Variants in NOD1 observed in about 807,000 individuals in gnomAD.
NOD1 encodes the protein nucleotide binding oligomerization domain containing 1.
A neutral mutation model predicts 81.2 loss-of-function variants in NOD1; 70 were observed. The ratio of observed to expected loss-of-function variants is 0.86; its 90% CI spans 0.71 to 1.05. The LOEUF (loss-of-function observed/expected upper bound fraction) is 1.05. NOD1 is among the 50% of genes least tolerant of loss of function. NOD1 has a pLI of 0.00. For synonymous variants in NOD1, 508 were observed against 526.9 expected (o/e 0.96, Z 0.49); for missense variants, 1,233 against 1,228.0 (o/e 1.00, Z -0.06).
intron 9 of NOD1, among the ~76,000 whole-genome samples, chr7:30,438,017 G>A (rs574703343): frequency 1.9e-4 from 29 of 152,244 alleles, no homozygotes; most frequent in Non-Finnish European, 2.6e-4. Context: ...ACAGAGGTGC[G>A]CAGAGTCCTG....
intron 1 of NOD1, among the ~76,000 whole-genome samples, chr7:30,461,762 G>A (rs1340798487): frequency 1.3e-5 from 2 of 151,894 alleles, no homozygotes; most frequent in African/African-American, 2.4e-5. Context: ...TTGTTGAGAC[G>A]GAGTCTCGCT....
intron 11 of NOD1, among the ~76,000 whole-genome samples, chr7:30,433,997 C>A (rs1398673638): frequency 6.6e-6 from 1 of 152,164 alleles, no homozygotes; most frequent in Non-Finnish European, 1.5e-5. Flanking sequence ...AAATTTAGAT[C>A]AGAAACAACT....
intron 6 of NOD1, among the ~76,000 whole-genome samples, chr7:30,450,501 T>TA (rs1785578430): frequency 6.6e-6 from 1 of 152,304 alleles, no homozygotes; most frequent in African/African-American, 2.4e-5. Context: ...GAAATGCTAA[T>TA]AGAAGAAAAC....
At chr7:30,474,275 C>A (rs1562723836) in intron 1 of NOD1, among the ~76,000 whole-genome samples, 1 of 152,214 alleles carries the variant, frequency 6.6e-6, no homozygotes, top group African/African-American at 2.4e-5. Flanking sequence ...GTGCTAAGCA[C>A]TTTACATAGA....
chr7:30,433,970 T>G (rs1240831474), intron 11 of NOD1, among the ~76,000 whole-genome samples: 1 of 152,236 alleles, frequency 6.6e-6, no homozygotes, highest in African/African-American at 2.4e-5. Flanking sequence ...GGTATTATCC[T>G]AATGTAAAAT....
At position 30,455,191 on chromosome 7, in the gene NOD1, C is replaced by T. The variant is rs1278228905; in HGVS notation, c.322G>A (p.Gly108Ser). 14 of 1,614,006 alleles carry T rather than the reference C, an allele frequency of 8.7e-6. No homozygotes were observed. Among genetic ancestry groups the T allele is most frequent in the East Asian group, 4.5e-5 (2 of 44,898 alleles). Residue 108 changes from glycine to serine, a missense_variant, in exon 5 of 14, where the codon GGC (glycine) becomes AGC (serine). Gly to Ser is a moderately conservative substitution (Grantham distance 56, BLOSUM62 0). Transcript: ENST00000222823. ...VDLRPWLLEI[G>S]FSPSLLTQSK... ...TGAGTGAGCAGGGAAGGGGAGAAGC[C>T]GATCTCCAGCAGCCAAGGCCTGAGG...
At chr7:30,427,176 C>G (rs564492038) in intron 13 of NOD1, among the ~76,000 whole-genome samples, 1 of 152,260 alleles carries the variant, frequency 6.6e-6, no homozygotes, top group Admixed American at 6.5e-5. Context: ...AGGCCCCACC[C>G]TCCCAGAGCC....
chr7:30,425,322 G>C lies in NOD1; in HGVS notation c.*316C>G. 1 of 309,698 alleles carries C rather than the reference G, an allele frequency of 3.2e-6. No homozygotes were observed. 19.2% of individuals were successfully genotyped at this position (309,698 alleles called of 1,614,324 possible). On this transcript the variant is annotated 3_prime_UTR_variant, in exon 14 of 14. Coordinates refer to ENST00000222823, the MANE Select transcript of NOD1 (RefSeq NM_006092.4). ...GAATGAGGTGAGGCTGGCCTCCTCT[G>C]TTTGCTCACAGCTTTATTCCTCTAG...
rs138903958 is a variant in NOD1, at chr7:30,452,487, G to C, written c.930C>G (p.Pro310=). ...DSSCPWEPAH[P]LVLLANLLSG... is the part of the protein sequence containing the mutation. ...TGAGCAGGTTGGCCAGCAAGACCAG[G>C]GGGTGGGCAGGCTCCCAGGGGCAGG... is the stretch of plus-strand genomic sequence containing the variant. Residue 310 remains proline, a synonymous_variant, in exon 6 of 14, where the codon CCC becomes CCG. Coordinates refer to ENST00000222823, the MANE Select transcript of NOD1 (RefSeq NM_006092.4). The C allele has an allele frequency of 5.6e-4, 902 of 1,613,258 alleles. No homozygotes were observed. The highest frequency in any genetic ancestry group is 1.1e-3 in the South Asian group (104 of 91,064).
intron 1 of NOD1, among the ~76,000 whole-genome samples, chr7:30,474,400 G>C (rs1295891723): frequency 6.6e-6 from 1 of 152,232 alleles, no homozygotes; most frequent in Non-Finnish European, 1.5e-5. Flanking sequence ...CACACAGTTA[G>C]TTAAGGCAGT....
chr7:30,456,830 A>G lies in NOD1; in HGVS notation c.92T>C (p.Val31Ala). Reference protein sequence around the residue: ...QLLKSNRELLVTHIRNTQCLV... With the variant: ...QLLKSNRELLATHIRNTQCLV... The stretch of plus-strand genomic sequence containing the variant: ...ACACTGAGTATTGCGGATGTGAGTG[A>G]CCAGAAGTTCCCGATTGCTTTTCAG... Residue 31 changes from valine to alanine, a missense_variant, in exon 4 of 14, where the codon GTC becomes GCC. Coordinates refer to ENST00000222823, the MANE Select transcript of NOD1 (RefSeq NM_006092.4). The G allele has an allele frequency of 6.2e-7, 1 of 1,614,152 alleles. No homozygotes were observed. Among genetic ancestry groups the G allele is most frequent in the Non-Finnish European group, 8.5e-7 (1 of 1,180,016 alleles).
intron 1 of NOD1, among the ~76,000 whole-genome samples, chr7:30,460,994 G>C (rs569118592): frequency 2.6e-5 from 4 of 152,150 alleles, no homozygotes; most frequent in Admixed American, 2.0e-4. Context: ...TCTTCAAAGG[G>C]AAAAAGGAGA....
chr7:30,435,250 A>T (rs939130647), intron 11 of NOD1, among the ~76,000 whole-genome samples: 1 of 152,194 alleles, frequency 6.6e-6, no homozygotes, highest in East Asian at 1.9e-4. Context: ...CAAGTGACAG[A>T]TGAGCTGGAT....
chr7:30,456,090 G>C (rs1368396137), intron 4 of NOD1, among the ~76,000 whole-genome samples: 3 of 152,222 alleles, frequency 2.0e-5, no homozygotes, highest in African/African-American at 7.2e-5. Flanking sequence ...AGAGAACAAA[G>C]CACACGAGTG....
At chr7:30,464,613 CAT>C (rs1433066288) in intron 1 of NOD1, among the ~76,000 whole-genome samples, 1 of 152,196 alleles carries the variant, frequency 6.6e-6, no homozygotes, top group African/African-American at 2.4e-5. Flanking sequence ...AATTCTGACT[CAT>C]GAGCAAATTA....
intron 11 of NOD1, chr7:30,433,497 C>T (rs750064026): frequency 2.4e-4 from 86 of 357,520 alleles, no homozygotes; most frequent in Middle Eastern, 7.7e-4. Context: ...AAACAAAGGG[C>T]CAATGCCTGC....
At chr7:30,458,408 A>G (rs1786630648) in intron 3 of NOD1, among the ~76,000 whole-genome samples, 2 of 152,308 alleles carry the variant, frequency 1.3e-5, no homozygotes, top group Admixed American at 6.5e-5. Flanking sequence ...AAAAAAGCTC[A>G]TAGATCTTTT....
chr7:30,434,898 G>A (rs1414510685), intron 11 of NOD1, among the ~76,000 whole-genome samples: 4 of 152,038 alleles, frequency 2.6e-5, no homozygotes, highest in South Asian at 4.1e-4. Context: ...AGATGATAGG[G>A]AGGGTTGTAA....
chr7:30,425,471 C>G lies in NOD1; in HGVS notation c.*167G>C, dbSNP rs747301880. On this transcript the variant is annotated 3_prime_UTR_variant, in exon 14 of 14. Coordinates refer to ENST00000222823, the MANE Select transcript of NOD1 (RefSeq NM_006092.4). ...TGTAGCGGGTACTTAGGGAGTTTGC[C>G]GACCAGACCTTCTGCACAGGAAGCT... 2 of 628,478 alleles carry G rather than the reference C, an allele frequency of 3.2e-6. No individual in the cohort carries two copies. Among genetic ancestry groups the G allele is most frequent in the Non-Finnish European group, 5.8e-6 (2 of 347,788 alleles). 38.9% of individuals were successfully genotyped at this position (628,478 alleles called of 1,614,324 possible).
Sources: allele counts gnomAD v4.1 joint callset (sites outside exome capture counted in the v4.1 genomes callset), GRCh38; gene constraint gnomAD v4.1.1; transcripts MANE v1.5; gene names NCBI Gene and HGNC (gene_info 2026-07-23, HGNC 2026-07-21).